Variants in MOB1A observed in about 807,000 individuals in gnomAD.
MOB1A encodes the protein MOB1 Mps One Binder homolog A.
A neutral mutation model predicts 25.1 loss-of-function variants in MOB1A; 10 were observed. The ratio of observed to expected loss-of-function variants is 0.40; its 90% CI spans 0.25 to 0.68. The LOEUF is 0.68. Among genes scored for constraint, MOB1A ranks in the 30% least tolerant of loss-of-function variants. The pLI, the probability that MOB1A is intolerant of heterozygous loss-of-function variation, is 0.40. For missense variants in MOB1A, 177 were observed against 256.3 expected, an observed-to-expected ratio of 0.69 and a Z score of 2.11; for synonymous variants, 81 against 79.5, an observed-to-expected ratio of 1.02 and a Z score of -0.10.
Position 74,155,402 on chromosome 2 carries a change from T to G in MOB1A, c.*1166A>C, listed in dbSNP as rs1482018199. 6.6e-6 allele frequency: 1 copy of G among 152,640 alleles called. No individual in the cohort carries two copies. Among genetic ancestry groups the G allele is most frequent in the Non-Finnish European group, 1.5e-5 (1 of 68,012 alleles). The allele number at this position is 152,640 out of a possible 1,614,324, so 9.5% of individuals were successfully genotyped here. On this transcript the variant is annotated 3_prime_UTR_variant, in exon 6 of 6. Coordinates refer to ENST00000396049, the MANE Select transcript of MOB1A (RefSeq NM_018221.5). ...AACAAAATGAGGATTTTTTTAAAAC[T>G]TATTTCTCCCATTTTGTTTCCTTTA...
Position 74,165,253 on chromosome 2 carries a change from T to G in MOB1A, c.374A>C (p.Gln125Pro). 6.4e-7 allele frequency: 1 copy of G among 1,566,196 alleles called. No individual in the cohort carries two copies. Among genetic ancestry groups the G allele is most frequent in the Non-Finnish European group, 8.7e-7 (1 of 1,153,884 alleles). Residue 125 changes from glutamine (Q) to proline (P), a missense_variant, in exon 4 of 6, where the codon CAG (glutamine) becomes CCG (proline). Physicochemically the swap from Gln to Pro is moderately conservative, Grantham distance 76 (BLOSUM62 -1). Coordinates refer to ENST00000396049, the MANE Select transcript of MOB1A (RefSeq NM_018221.5). ...AGGAAAAAGAGTTTCATCATCAAGCTGATCTTGAACCCAAGTCATCAAATA... is the reference window on the plus strand; with the variant it reads ...AGGAAAAAGAGTTTCATCATCAAGCGGATCTTGAACCCAAGTCATCAAATA... ...IDYLMTWVQD[Q>P]LDDETLFPSK...
intron 1 of MOB1A, among the ~76,000 whole-genome samples, chr2:74,175,488 C>A (rs1307693939): frequency 6.6e-6 from 1 of 152,150 alleles, no homozygotes; most frequent in Non-Finnish European, 1.5e-5. Context: ...TATTTTAATA[C>A]ACTACTGGTG....
chr2:74,171,055 A>G (rs1693279802), intron 2 of MOB1A, among the ~76,000 whole-genome samples: 3 of 151,942 alleles, frequency 2.0e-5, no homozygotes, highest in Admixed American at 2.0e-4. Flanking sequence ...TGAGGCGGGC[A>G]GATCACTTGA....
At chr2:74,170,262 C>T (rs2103730232) in intron 2 of MOB1A, among the ~76,000 whole-genome samples, 1 of 151,680 alleles carries the variant, frequency 6.6e-6, no homozygotes, top group South Asian at 2.1e-4. Context: ...CCTCAGCCTC[C>T]AAGTAGCTGG....
intron 1 of MOB1A, chr2:74,178,428 G>T: frequency 2.9e-6 from 1 of 346,808 alleles, no homozygotes. Context: ...CGACGGCCCC[G>T]GGGCCTTTCT....
chr2:74,166,272 T>C (rs1693126118), intron 3 of MOB1A, among the ~76,000 whole-genome samples: 1 of 152,176 alleles, frequency 6.6e-6, no homozygotes, highest in Non-Finnish European at 1.5e-5. Context: ...TAATTACTTC[T>C]AAATTGTGCT....
In MOB1A at chr2:74,173,012, T is replaced by C. The variant is rs140632085; in HGVS notation, c.15-260A>G. 1.7e-3 allele frequency among the ~76,000 whole-genome samples: 256 copies of C among 152,206 alleles called. 3 individuals carry two copies. Among genetic ancestry groups the C allele is most frequent in the African/African-American group, 5.8e-3 (240 of 41,546 alleles). On this transcript the variant is annotated intron_variant, in intron 1 of 5. Transcript: ENST00000396049. Reference sequence around the variant, plus strand: ...TTAGCCAAGCATGATGGCGCACACCTGTAGTCCCAGCTACTTGGGAGGCTG... The same window carrying C: ...TTAGCCAAGCATGATGGCGCACACCCGTAGTCCCAGCTACTTGGGAGGCTG...
chr2:74,164,101 T>C (rs1019144268), intron 4 of MOB1A: 1 of 152,208 alleles, frequency 6.6e-6, no homozygotes, highest in African/African-American at 2.4e-5. Context: ...TGCAAAAATA[T>C]ATGGCAATTT....
chr2:74,159,376 C>T (rs373129006), intron 4 of MOB1A, 122 bp from the exon 5 acceptor site: 22 of 838,548 alleles, frequency 2.6e-5, no homozygotes, highest in African/African-American at 1.9e-4. Context: ...ACTGCAGCCT[C>T]GACCTCCTGG....
In MOB1A at chr2:74,159,258, C is replaced by A. The variant is rs1692892823; in HGVS notation, c.410-4G>T. On this transcript the variant is annotated splice_region_variant and splice_polypyrimidine_tract_variant and intron_variant, in intron 4 of 5. Coordinates refer to ENST00000396049, the MANE Select transcript of MOB1A (RefSeq NM_018221.5). ...AAGTTTTTGGGAAATGGGACACCTG[C>A]AATTAAATACACATATGAAACAATT... 1.2e-6 allele frequency: 2 copies of A among 1,610,844 alleles called. No homozygotes were observed. The highest frequency in any genetic ancestry group is 1.7e-6 in the Non-Finnish European group (2 of 1,177,840).
Position 74,159,268 on chromosome 2 carries a change from C to T in MOB1A, c.410-14G>A, listed in dbSNP as rs1212776583. The stretch of plus-strand genomic sequence containing the variant: ...GAAATGGGACACCTGCAATTAAATA[C>T]ACATATGAAACAATTATTTGGTTAT... On this transcript the variant is annotated splice_polypyrimidine_tract_variant and intron_variant, in intron 4 of 5. Transcript: ENST00000396049. 6.2e-7 allele frequency: 1 copy of T among 1,608,922 alleles called. No individual in the cohort carries two copies. The highest frequency in any genetic ancestry group is 8.5e-7 in the Non-Finnish European group (1 of 1,176,518).
At chr2:74,166,936 T>G (rs961341261) in intron 3 of MOB1A, 78 bp downstream of exon 3, 1 of 1,048,684 alleles carries the variant, frequency 9.5e-7, no homozygotes, top group Non-Finnish European at 1.5e-6. Context: ...GGATAACAAA[T>G]CTTAACTGTT....
intron 1 of MOB1A, among the ~76,000 whole-genome samples, chr2:74,173,540 C>T (rs1693360052): frequency 6.6e-6 from 1 of 151,640 alleles, no homozygotes; most frequent in Non-Finnish European, 1.5e-5. Flanking sequence ...ACCACCACAC[C>T]CAGCTAATTT....
rs1037031735 is a variant in MOB1A at position 74,154,246 on chromosome 2, C to T, written c.*2322G>A. On this transcript the variant is annotated 3_prime_UTR_variant, in exon 6 of 6. Transcript: ENST00000396049. ...GTCAAACTGTTATCAAAGGTTGGCC[C>T]TCTAGCCAACTCAGGAAGGCGCCAT... 1 of 151,948 alleles carries T rather than the reference C, an allele frequency of 6.6e-6. No individual in the cohort carries two copies. Among genetic ancestry groups the T allele is most frequent in the African/African-American group, 2.4e-5 (1 of 41,344 alleles). 9.4% of individuals were successfully genotyped at this position (151,948 alleles called of 1,614,324 possible). A position where few individuals can be genotyped will look rare whatever the true frequency, so the allele number is the denominator to read the frequency against.
intron 1 of MOB1A, 31 bp downstream of exon 1, chr2:74,178,630 G>C: frequency 7.2e-7 from 1 of 1,382,598 alleles, no homozygotes; most frequent in Non-Finnish European, 9.4e-7. Context: ...TCGGCCCGCA[G>C]GCCCGGCGCC....
chr2:74,176,420 G>A (rs1188408762), intron 1 of MOB1A, among the ~76,000 whole-genome samples: 1 of 151,104 alleles, frequency 6.6e-6, no homozygotes, highest in African/African-American at 2.4e-5. Context: ...ATAAAGACTT[G>A]TATCTAGAAT....
Position 74,165,313 on chromosome 2 carries a change from T to C in MOB1A, c.314A>G (p.Lys105Arg). The C allele has an allele frequency of 6.3e-7, 1 of 1,583,382 alleles. No individual in the cohort carries two copies. Among genetic ancestry groups the C allele is most frequent in the Non-Finnish European group, 8.6e-7 (1 of 1,164,024 alleles). Residue 105 changes from lysine (K) to arginine (R), a missense_variant, in exon 4 of 6, where the codon AAG becomes AGG. Lys to Arg is a conservative substitution (Grantham distance 26, BLOSUM62 2). Coordinates refer to ENST00000396049, the MANE Select transcript of MOB1A (RefSeq NM_018221.5). Reference protein sequence around the residue: ...YHWADGTNIKKPIKCSAPKYI... With the variant: ...YHWADGTNIKRPIKCSAPKYI... ...TTTTGGTGCAGAACATTTGATTGGC[T>C]TTTTAATATTAGTACCATCTGCCCA...
In MOB1A at chr2:74,165,483, T is replaced by C. The variant is rs568204870; in HGVS notation, c.276-132A>G. ...AACTTTAATAAATCACCTTAAGTTC[T>C]ACTGAAGATTACTGTGAGTTCCCTA... On this transcript the variant is annotated intron_variant, in intron 3 of 5. Coordinates refer to ENST00000396049, the MANE Select transcript of MOB1A (RefSeq NM_018221.5). 176 of 497,032 alleles carry C rather than the reference T, an allele frequency of 3.5e-4. 2 individuals are homozygous for C. The South Asian group carries it at 7.3e-3, about 21-fold the overall frequency. 30.8% of individuals were successfully genotyped at this position (497,032 alleles called of 1,614,324 possible). A position where few individuals can be genotyped will look rare whatever the true frequency, so the allele number is the denominator to read the frequency against.
chr2:74,166,406 AAAAAT>A (rs1298554848), intron 3 of MOB1A, among the ~76,000 whole-genome samples: 2 of 152,264 alleles, frequency 1.3e-5, no homozygotes, highest in Non-Finnish European at 2.9e-5. Context: ...ATAAAATTGA[AAAAAT>A]AAAATGTTTG....
Sources: gnomAD v4.1 joint callset for allele counts (sites outside exome capture counted in the v4.1 genomes callset) on GRCh38, gnomAD v4.1.1 for gene constraint, MANE v1.5 for transcripts, NCBI Gene and HGNC (gene_info 2026-07-23, HGNC 2026-07-21) for gene names.